EDNRA: variants seen among roughly 807,000 people sequenced by gnomAD.
EDNRA encodes endothelin-1 receptor.
A neutral mutation model predicts 41.4 loss-of-function variants in EDNRA; 11 were observed. The ratio of observed to expected loss-of-function variants is 0.27; its 90% CI spans 0.17 to 0.44. EDNRA has a LOEUF of 0.44. Ranked by LOEUF, EDNRA falls within the 20% of genes least tolerant of loss-of-function variation. EDNRA has a pLI of 1.00. For missense variants in EDNRA, 294 were observed against 531.0 expected (o/e 0.55, Z 4.39); for synonymous variants, 172 against 183.0 (o/e 0.94, Z 0.49).
At chr4:147,514,458 T>TTTTTTC (rs5862803) in intron 2 of EDNRA, among the ~76,000 whole-genome samples, 26,195 of 151,350 alleles carry the variant, frequency 0.17, 2,622 homozygotes, top group African/African-American at 0.29. Context: ...CCCAACACGA[T>TTTTTTC]TTTTTCTTTT....
Position 147,486,042 on chromosome 4 carries a change from A to C in EDNRA, c.361A>C (p.Ser121Arg). Reference protein sequence around the residue: ...MRNGPNALIASLALGDLIYVV... With the variant: ...MRNGPNALIARLALGDLIYVV... ...GAATGGCCCCAACGCGCTGATAGCC[A>C]GTCTTGCCCTTGGAGACCTTATCTA... The change falls in exon 2 of 8, where the codon AGT becomes CGT. Residue 121 changes from serine (S) to arginine (R), a missense_variant. Coordinates refer to ENST00000651419, the MANE Select transcript of EDNRA (RefSeq NM_001957.4). The surrounding 1 kb of genome is among the most constrained non-coding windows in gnomAD (Gnocchi z 4.3). 6.2e-7 allele frequency: 1 copy of C among 1,614,260 alleles called. No individual in the cohort carries two copies. Among genetic ancestry groups the C allele is most frequent in the Non-Finnish European group, 8.5e-7 (1 of 1,180,038 alleles).
chr4:147,498,513 T>C (rs1415018327), intron 2 of EDNRA, among the ~76,000 whole-genome samples: 2 of 152,200 alleles, frequency 1.3e-5, no homozygotes, highest in Non-Finnish European at 2.9e-5. Flanking sequence ...AATGAAGTTT[T>C]ATTGGAACAC....
intron 2 of EDNRA, among the ~76,000 whole-genome samples, chr4:147,501,853 T>C (rs1729527130): frequency 6.6e-6 from 1 of 152,334 alleles, no homozygotes; most frequent in Admixed American, 6.5e-5. Context: ...TGGGTACACC[T>C]ATATGACAAA....
intron 3 of EDNRA, chr4:147,531,780 T>G (rs755750437): frequency 3.3e-5 from 5 of 151,060 alleles, no homozygotes; most frequent in East Asian, 2.0e-4. Context: ...GCCAAGGCGG[T>G]CAGATCACAA....
chr4:147,500,446 G>A (rs557354881), intron 2 of EDNRA, among the ~76,000 whole-genome samples: 8 of 152,230 alleles, frequency 5.3e-5, no homozygotes, highest in African/African-American at 9.6e-5. Context: ...AGTCAGGTGC[G>A]GTGATTCACA....
rs11405111 is a variant in EDNRA at position 147,500,743 on chromosome 4, T to TAA, written c.420+14656_420+14657dup. ...ACAGGGGAGCTACAGGGGATGGAGG[T>TAA]AAAAAAAAAAAAAAAGCAGAGTTGG... On this transcript the variant is annotated intron_variant, in intron 2 of 7. Coordinates refer to ENST00000651419, the MANE Select transcript of EDNRA (RefSeq NM_001957.4). Among the ~76,000 whole-genome samples the TAA allele has an allele frequency of 1.8e-3, 227 of 129,558 alleles. 5 individuals are homozygous for TAA. The South Asian group carries it at 0.034, about 19-fold the overall frequency. The allele number at this position is 129,558 out of a possible 152,430, so 85.0% of individuals were successfully genotyped here.
intron 2 of EDNRA, chr4:147,494,856 T>G (rs1729255414): frequency 6.6e-6 from 1 of 152,180 alleles, no homozygotes; most frequent in South Asian, 2.1e-4. Context: ...CTTGTTTACA[T>G]TTTAACAGGA....
chr4:147,523,712 G>C (rs556694374), intron 3 of EDNRA, among the ~76,000 whole-genome samples: 5 of 151,868 alleles, frequency 3.3e-5, no homozygotes, highest in Admixed American at 6.6e-5. Context: ...GGATGGTTTC[G>C]ATCTCCTGAT....
intron 2 of EDNRA, chr4:147,493,577 C>T (rs1729211084): frequency 6.6e-6 from 1 of 152,114 alleles, no homozygotes; most frequent in Non-Finnish European, 1.5e-5. Flanking sequence ...CTGGATCTAC[C>T]ACATTCTCTT....
chr4:147,523,590 A>C (rs1168581222), intron 3 of EDNRA, among the ~76,000 whole-genome samples: 1 of 149,940 alleles, frequency 6.7e-6, no homozygotes, highest in Admixed American at 6.6e-5. Flanking sequence ...TCCCAGGTTC[A>C]CGCCATTCTC....
intron 4 of EDNRA, among the ~76,000 whole-genome samples, chr4:147,533,019 G>A (rs1467139110): frequency 7.6e-6 from 1 of 130,906 alleles, no homozygotes; most frequent in Non-Finnish European, 1.6e-5. Context: ...GTGTGTGTGT[G>A]TGTGTGTATA....
At chr4:147,528,401 A>C (rs1339450030) in intron 3 of EDNRA, among the ~76,000 whole-genome samples, 1 of 137,888 alleles carries the variant, frequency 7.3e-6, no homozygotes, top group Non-Finnish European at 1.5e-5. Context: ...TCTGTCACCC[A>C]GGCTGGAGTG....
chr4:147,516,736 G>GT (rs904432819), intron 2 of EDNRA, among the ~76,000 whole-genome samples: 7 of 151,924 alleles, frequency 4.6e-5, no homozygotes, highest in East Asian at 1.9e-4. Flanking sequence ...GTTTTGTTTT[G>GT]TTTTTTTCAT....
intron 4 of EDNRA, 93 bp downstream of exon 4, chr4:147,532,797 C>A: frequency 7.6e-7 from 1 of 1,312,186 alleles, no homozygotes; most frequent in Non-Finnish European, 1.1e-6. Flanking sequence ...GCCACAATGT[C>A]AAGTGTGGTT....
chr4:147,528,407 G>A (rs1250762490), intron 3 of EDNRA, among the ~76,000 whole-genome samples: 1 of 148,252 alleles, frequency 6.7e-6, no homozygotes, highest in South Asian at 2.2e-4. Flanking sequence ...ACCCAGGCTG[G>A]AGTGCAGTGC....
intron 2 of EDNRA, chr4:147,490,746 G>A (rs549151413): frequency 6.6e-6 from 1 of 152,264 alleles, no homozygotes; most frequent in East Asian, 1.9e-4. Flanking sequence ...TGTCCATAGG[G>A]AGATGGGTTA....
chr4:147,537,327 A>G lies in EDNRA; in HGVS notation c.900+1298A>G, dbSNP rs527867375. 6.6e-5 allele frequency among the ~76,000 whole-genome samples: 10 copies of G among 152,334 alleles called. No individual in the cohort carries two copies. In the South Asian group the frequency reaches 1.9e-3, roughly 28 times the overall value. On this transcript the variant is annotated intron_variant, in intron 5 of 7. Transcript: ENST00000651419. ...ATACAAATGGTAGCTATTATCTTTC[A>G]TTGACATTTAGCAAGAAGATTACAT...
At chr4:147,493,140 C>G (rs1029878476) in intron 2 of EDNRA, 1 of 151,988 alleles carries the variant, frequency 6.6e-6, no homozygotes, top group African/African-American at 2.4e-5. Flanking sequence ...ATGATGTTCC[C>G]CCATCAAAGA....
intron 2 of EDNRA, among the ~76,000 whole-genome samples, chr4:147,508,280 G>A (rs1433142333): frequency 2.6e-5 from 4 of 151,896 alleles, no homozygotes; most frequent in South Asian, 2.1e-4. Context: ...CTGGGATTAC[G>A]GGCATGCACC....
Sources: allele counts gnomAD v4.1 joint callset (sites outside exome capture counted in the v4.1 genomes callset), GRCh38; gene constraint gnomAD v4.1.1; non-coding constraint Gnocchi (gnomAD v3.1); transcripts MANE v1.5; gene names NCBI Gene and HGNC (gene_info 2026-07-23, HGNC 2026-07-21).